Variants in SH3RF2 observed in about 807,000 individuals in gnomAD.
SH3RF2 encodes E3 ubiquitin-protein ligase SH3RF2.
Under a neutral mutation model 59.0 loss-of-function variants are expected in SH3RF2, and 43 were observed. That is an observed-to-expected ratio of 0.73 (90% CI 0.57 to 0.94). SH3RF2 has a LOEUF of 0.94. SH3RF2 is among the 40% of genes least tolerant of loss of function. The pLI is 0.00. For synonymous variants in SH3RF2, 391 were observed against 391.5 expected (o/e 1.00, Z 0.01); for missense variants, 930 against 940.1 (o/e 0.99, Z 0.14).
chr5:146,073,368 G>A (rs149039159), intron 9 of SH3RF2, among the ~76,000 whole-genome samples: 18 of 152,322 alleles, frequency 1.2e-4, no homozygotes, highest in African/African-American at 4.1e-4. Context: ...AGCTTCCCAA[G>A]GTTGACACAG....
chr5:145,979,954 C>A (rs536974778), intron 2 of SH3RF2, among the ~76,000 whole-genome samples: 1 of 152,302 alleles, frequency 6.6e-6, no homozygotes, highest in Admixed American at 6.5e-5. Context: ...AGTGGGAGAA[C>A]CTGAATTTAT....
intron 5 of SH3RF2, among the ~76,000 whole-genome samples, chr5:146,019,170 C>T (rs111650951): frequency 6.6e-6 from 1 of 152,114 alleles, no homozygotes; most frequent in Non-Finnish European, 1.5e-5. Context: ...TGGTCTTAGT[C>T]ATAAATTCTT....
intron 2 of SH3RF2, among the ~76,000 whole-genome samples, chr5:145,979,494 T>C (rs1366495117): frequency 3.3e-5 from 5 of 152,234 alleles, no homozygotes; most frequent in Admixed American, 3.3e-4. Flanking sequence ...ATAAGTTATC[T>C]TACTGCTCTA....
At chr5:146,031,892 T>C (rs1185307113) in intron 5 of SH3RF2, among the ~76,000 whole-genome samples, 1 of 152,114 alleles carries the variant, frequency 6.6e-6, no homozygotes, top group Non-Finnish European at 1.5e-5. Flanking sequence ...ATCCCTTCCA[T>C]GTGCCCCAGG....
At chr5:145,945,293 A>T (rs1757969228) in intron 2 of SH3RF2, among the ~76,000 whole-genome samples, 2 of 152,210 alleles carry the variant, frequency 1.3e-5, no homozygotes, top group South Asian at 4.1e-4. Context: ...AAAAGACAAA[A>T]CCATAAACTA....
At chr5:146,074,297 G>A (rs1763299125) in intron 9 of SH3RF2, among the ~76,000 whole-genome samples, 1 of 152,018 alleles carries the variant, frequency 6.6e-6, no homozygotes, top group African/African-American at 2.4e-5. Context: ...AGTATTTGTT[G>A]AATGAACAAT....
At chr5:146,059,831 C>G (rs1762819384) in intron 8 of SH3RF2, 35 bp from the exon 9 acceptor site, 2 of 1,379,732 alleles carry the variant, frequency 1.4e-6, no homozygotes, top group Non-Finnish European at 1.9e-6. Flanking sequence ...GCCAGCCGCC[C>G]CTGCTGCTGA....
At chr5:145,951,949 C>CT (rs1233173700) in intron 2 of SH3RF2, among the ~76,000 whole-genome samples, 6 of 152,146 alleles carry the variant, frequency 3.9e-5, no homozygotes, top group Non-Finnish European at 8.8e-5. Context: ...CTTTTGATAG[C>CT]TGTATGACTT....
chr5:145,938,012 C>T lies in SH3RF2; in HGVS notation c.84C>T (p.Cys28=). 1.2e-6 allele frequency: 2 copies of T among 1,614,222 alleles called. No homozygotes were observed. ...KLDVTAKVLP[C]QHTFCKPCLQ... ...ATGTCACAGCCAAAGTCCTCCCTTG[C>T]CAGCACACCTTCTGCAAACCATGTC... Residue 28 remains cysteine (C), a synonymous_variant, in exon 2 of 10, where the codon TGC becomes TGT. Transcript: ENST00000359120.
intron 2 of SH3RF2, among the ~76,000 whole-genome samples, chr5:145,969,789 G>A (rs1366759200): frequency 6.6e-6 from 1 of 151,918 alleles, no homozygotes; most frequent in African/African-American, 2.4e-5. Flanking sequence ...TTGAAAAGGG[G>A]ATCCAAGCCA....
chr5:146,023,220 C>CT (rs1187920581), intron 5 of SH3RF2, among the ~76,000 whole-genome samples: 1 of 151,082 alleles, frequency 6.6e-6, no homozygotes, highest in East Asian at 1.9e-4. Flanking sequence ...TTTCTTTTTT[C>CT]TTTTTTTAGA....
At chr5:146,065,303 C>A (rs1280060009), downstream of SH3RF2, among the ~76,000 whole-genome samples, 1 of 152,144 alleles carries the variant, frequency 6.6e-6, no homozygotes, top group Non-Finnish European at 1.5e-5. Flanking sequence ...GATAAAGTCC[C>A]AAGGACAGGG....
In SH3RF2 at chr5:145,985,073, T is replaced by G. The variant is rs150765528; in HGVS notation, c.379-14985T>G. Among the ~76,000 whole-genome samples, 34 of 152,270 alleles carry G rather than the reference T, an allele frequency of 2.2e-4. No homozygotes were observed. The East Asian group carries it at 6.2e-3, about 28-fold the overall frequency. On this transcript the variant is annotated intron_variant, in intron 2 of 9. Transcript: ENST00000359120. The stretch of plus-strand genomic sequence containing the variant: ...TGGGAGGCCAAGGTGGGAGGATCGC[T>G]TGAGCCCAGGAGGACCAGGCTTCAG...
rs756141407 is a variant in SH3RF2, at chr5:145,964,912, T to C, written c.378+26606T>C. 3.3e-5 allele frequency among the ~76,000 whole-genome samples: 5 copies of C among 152,066 alleles called. No individual in the cohort carries two copies. In the East Asian group the frequency reaches 5.8e-4, roughly 18 times the overall value. ...TTCAAAAAGCAAAAACTAGTAACTG[T>C]AGGCCAGGCATGGTGGTCTCCTGTA... On this transcript the variant is annotated intron_variant, in intron 2 of 9. Transcript: ENST00000359120.
intron 3 of SH3RF2, among the ~76,000 whole-genome samples, chr5:146,002,600 G>A (rs1485378790): frequency 6.6e-6 from 1 of 152,056 alleles, no homozygotes; most frequent in Non-Finnish European, 1.5e-5. Context: ...CAGGACCACC[G>A]ACCAGTACCA....
chr5:146,061,021 C>T (rs1674800965), intron 9 of SH3RF2, among the ~76,000 whole-genome samples: 1 of 152,178 alleles, frequency 6.6e-6, no homozygotes, highest in Non-Finnish European at 1.5e-5. Context: ...CCTCCATCAC[C>T]ACCGCCATCA....
At chr5:146,065,204 T>A (rs1026998234), downstream of SH3RF2, among the ~76,000 whole-genome samples, 1 of 152,106 alleles carries the variant, frequency 6.6e-6, no homozygotes, top group African/African-American at 2.4e-5. Context: ...CAAACAAACA[T>A]GAGATATTGA....
chr5:145,943,593 C>T (rs1757899833), intron 2 of SH3RF2, among the ~76,000 whole-genome samples: 1 of 152,172 alleles, frequency 6.6e-6, no homozygotes, highest in Non-Finnish European at 1.5e-5. Flanking sequence ...TGGATCAATG[C>T]TATTTCTGAG....
At chr5:146,059,307 G>A (rs1416634271) in intron 8 of SH3RF2, among the ~76,000 whole-genome samples, 3 of 147,592 alleles carry the variant, frequency 2.0e-5, no homozygotes, top group East Asian at 3.9e-4. Context: ...TGCAGCCCCC[G>A]ACAAAAAGCA....
Sources: allele counts gnomAD v4.1 joint callset (sites outside exome capture counted in the v4.1 genomes callset), GRCh38; gene constraint gnomAD v4.1.1; transcripts MANE v1.5; gene names NCBI Gene and HGNC (gene_info 2026-07-23, HGNC 2026-07-21).